Variants in NEBL observed in about 807,000 individuals in gnomAD.
The protein encoded by NEBL is nebulette, also known as LIM and SH3 protein 2.
In NEBL, 122 loss-of-function variants were observed where a neutral mutation model predicts 140.2. That is an observed-to-expected ratio of 0.87 (90% CI 0.75 to 1.01). The LOEUF is 1.01. Ranked by LOEUF, NEBL falls within the 50% of genes least tolerant of loss-of-function variation. The pLI is 0.00. For synonymous variants in NEBL, 436 were observed against 398.9 expected, an observed-to-expected ratio of 1.09 and a Z score of -1.11; for missense variants, 1,365 against 1,231.3, an observed-to-expected ratio of 1.11 and a Z score of -1.62.
intron 22 of NEBL, among the ~76,000 whole-genome samples, chr10:20,815,324 G>T (rs933471835): frequency 6.6e-6 from 1 of 152,098 alleles, no homozygotes. Flanking sequence ...CACATCAAAG[G>T]CTTTACCACC....
chr10:20,855,523 AAC>A (rs1842979035), intron 9 of NEBL, among the ~76,000 whole-genome samples: 1 of 44,302 alleles, frequency 2.3e-5, no homozygotes, highest in African/African-American at 5.3e-5. Context: ...AACAAAACAA[AAC>A]AAAAAAAAAA....
intron 2 of NEBL, among the ~76,000 whole-genome samples, chr10:21,249,034 G>T (rs1297427827): frequency 1.3e-5 from 2 of 151,594 alleles, no homozygotes; most frequent in African/African-American, 4.8e-5. Flanking sequence ...TTTTGTTTTT[G>T]TTTTTGCTTT....
intron 2 of NEBL, among the ~76,000 whole-genome samples, chr10:21,064,770 C>T (rs991613532): frequency 3.3e-5 from 5 of 152,126 alleles, no homozygotes; most frequent in Admixed American, 3.3e-4. Flanking sequence ...GAAAAACCAA[C>T]CCATTGTGTC....
At chr10:21,040,471 G>T (rs1435490998) in intron 2 of NEBL, among the ~76,000 whole-genome samples, 5 of 152,200 alleles carry the variant, frequency 3.3e-5, no homozygotes, top group African/African-American at 1.2e-4. Context: ...GGGGGAGCAG[G>T]TATGTTACCT....
chr10:20,941,341 T>C (rs1186077645), intron 4 of NEBL, among the ~76,000 whole-genome samples: 1 of 152,188 alleles, frequency 6.6e-6, no homozygotes, highest in Non-Finnish European at 1.5e-5. Context: ...AACCACATGA[T>C]TATCTCAATA....
chr10:21,231,927 C>A (rs1043068568), intron 3 of NEBL, among the ~76,000 whole-genome samples: 1 of 152,170 alleles, frequency 6.6e-6, no homozygotes, highest in Non-Finnish European at 1.5e-5. Flanking sequence ...AGACACACCT[C>A]GCTATGCCCC....
intron 1 of NEBL, among the ~76,000 whole-genome samples, chr10:21,282,970 C>CA (rs1184878659): frequency 3.3e-5 from 5 of 151,866 alleles, no homozygotes; most frequent in Non-Finnish European, 7.4e-5. Context: ...ACTGAAAATA[C>CA]AAAAAATTTT....
chr10:20,853,207 C>G (rs1180088141), intron 9 of NEBL, among the ~76,000 whole-genome samples: 3 of 152,004 alleles, frequency 2.0e-5, no homozygotes, highest in South Asian at 2.1e-4. Flanking sequence ...TAAAAGGTGC[C>G]TGAAAGAGAA....
chr10:21,199,790 C>A (rs1841705287), intron 3 of NEBL, among the ~76,000 whole-genome samples: 1 of 152,250 alleles, frequency 6.6e-6, no homozygotes, highest in Non-Finnish European at 1.5e-5. Context: ...GAGGCTCTCA[C>A]ACCCAGTGTG....
At chr10:21,048,440 T>C (rs1327532790) in intron 2 of NEBL, among the ~76,000 whole-genome samples, 4 of 58,318 alleles carry the variant, frequency 6.9e-5, no homozygotes, top group Non-Finnish European at 1.4e-4. Flanking sequence ...TTAGACATAA[T>C]AAATTTCTAC....
Position 21,004,490 on chromosome 10 carries a change from G to T in NEBL, c.249+15627C>A, listed in dbSNP as rs774070554. ...AATCCCAGTACTTTCGGAGGCCGAG[G>T]CGGGCAGATCACGAGGTCAGGAGAT... is the stretch of plus-strand genomic sequence containing the variant. On this transcript the variant is annotated intron_variant, in intron 3 of 6. Coordinates refer to the NEBL transcript ENST00000417816. Among the ~76,000 whole-genome samples the T allele has an allele frequency of 2.0e-5, 3 of 152,102 alleles. No homozygotes were observed. In the East Asian group the frequency reaches 5.8e-4, roughly 29 times the overall value.
At chr10:21,006,437 G>T (rs967305001) in intron 3 of NEBL, among the ~76,000 whole-genome samples, 8 of 152,244 alleles carry the variant, frequency 5.3e-5, no homozygotes, top group African/African-American at 1.9e-4. Flanking sequence ...ATAAAATTGT[G>T]CTTAGAAGGC....
At position 20,835,606 on chromosome 10, in the gene NEBL, G is replaced by A. The variant is rs1446046492; in HGVS notation, c.1356C>T (p.Asp452=). 1 of 1,608,930 alleles carries A rather than the reference G, an allele frequency of 6.2e-7. No homozygotes were observed. The highest frequency in any genetic ancestry group is 2.2e-5 in the East Asian group (1 of 44,864). ...CTTTCCCTTTAATTATTGACTCCAG[G>A]TCTTTCTTGTATTCTTTCTGCAAAA... is the stretch of plus-strand genomic sequence containing the variant. ...EMASEKEYKK[D]LESIIKGKGM... is the part of the protein sequence containing the mutation. Residue 452 remains aspartate (D), a synonymous_variant, in exon 14 of 28, where the codon GAC becomes GAT. Coordinates refer to ENST00000377122, the MANE Select transcript of NEBL (RefSeq NM_006393.3).
intron 3 of NEBL, among the ~76,000 whole-genome samples, chr10:21,218,723 A>C (rs1377564270): frequency 6.6e-6 from 1 of 152,198 alleles, no homozygotes; most frequent in Non-Finnish European, 1.5e-5. Flanking sequence ...GGTCACAGAA[A>C]AGAAGGAGAA....
intron 4 of NEBL, among the ~76,000 whole-genome samples, chr10:20,914,983 T>TTTTTTTTTTTTTTTTTTTGGG (rs1848483230): frequency 6.7e-6 from 1 of 149,140 alleles, no homozygotes; most frequent in African/African-American, 2.5e-5. Flanking sequence ...TTTTTTTTTT[T>TTTTTTTTTTTTTTTTTTTGGG]GGAGAGATGG....
At chr10:21,164,133 T>A (rs1201702408) in intron 2 of NEBL, among the ~76,000 whole-genome samples, 2 of 152,234 alleles carry the variant, frequency 1.3e-5, no homozygotes, top group African/African-American at 4.8e-5. Flanking sequence ...ATCATTTTAC[T>A]TAGTTCCTAA....
intron 2 of NEBL, among the ~76,000 whole-genome samples, chr10:21,086,995 C>CT (rs1461099655): frequency 2.0e-5 from 3 of 152,162 alleles, no homozygotes; most frequent in Non-Finnish European, 2.9e-5. Flanking sequence ...TCAGCAGAAC[C>CT]ATTAGTTTTC....
At position 20,784,497 on chromosome 10, in the gene NEBL, A is replaced by G. The variant is rs1423441924; in HGVS notation, c.*1250T>C. Reference sequence around the variant, plus strand: ...CCCTTAAAAATGATTTAGAAAATAAAAGCAAAAAAAAATGGAAAAGGACGT... The same window carrying G: ...CCCTTAAAAATGATTTAGAAAATAAGAGCAAAAAAAAATGGAAAAGGACGT... On this transcript the variant is annotated 3_prime_UTR_variant, in exon 28 of 28. Transcript: ENST00000377122. The G allele has an allele frequency of 3.9e-5, 6 of 152,206 alleles. No individual in the cohort carries two copies. The highest frequency in any genetic ancestry group is 7.3e-5 in the Non-Finnish European group (5 of 68,032). 9.4% of individuals were successfully genotyped at this position (152,206 alleles called of 1,614,324 possible). A position where few individuals can be genotyped will look rare whatever the true frequency, so the allele number is the denominator to read the frequency against.
intron 1 of NEBL, among the ~76,000 whole-genome samples, chr10:21,291,404 G>A (rs1843140059): frequency 6.6e-6 from 1 of 151,594 alleles, no homozygotes; most frequent in Admixed American, 6.6e-5. Context: ...TACTCAGGAG[G>A]CTGAGGCAGG....
Sources: gnomAD v4.1 joint callset for allele counts (sites outside exome capture counted in the v4.1 genomes callset) on GRCh38, gnomAD v4.1.1 for gene constraint, MANE v1.5 for transcripts, NCBI Gene and HGNC (gene_info 2026-07-23, HGNC 2026-07-21) for gene names.